MOSMO: variants seen among roughly 807,000 people sequenced by gnomAD.
MOSMO encodes the protein modulator of smoothened.
Under a neutral mutation model 18.4 loss-of-function variants are expected in MOSMO, and 5 were observed. The observed-to-expected ratio is 0.27, with a 90% CI of 0.14 to 0.57. MOSMO has a LOEUF of 0.57. Ranked by LOEUF, MOSMO falls within the 20% of genes least tolerant of loss-of-function variation. The probability of loss-of-function intolerance (pLI) is 0.92; values close to 1 mark genes in which losing one functional copy is unlikely to be tolerated. For synonymous variants in MOSMO, 82 were observed against 82.3 expected, an observed-to-expected ratio of 1.00 and a Z score of 0.02; for missense variants, 138 against 211.8, an observed-to-expected ratio of 0.65 and a Z score of 2.16.
intron 1 of MOSMO, among the ~76,000 whole-genome samples, chr16:22,033,354 C>T (rs1598004814): frequency 1.3e-5 from 2 of 152,190 alleles, no homozygotes; most frequent in South Asian, 2.1e-4. Context: ...GTTTCAGCAA[C>T]ATTTTATAGT....
downstream of MOSMO, among the ~76,000 whole-genome samples, chr16:22,085,451 G>A (rs781091815): frequency 2.7e-4 from 41 of 152,090 alleles, no homozygotes; most frequent in Admixed American, 4.6e-4. Context: ...TTTTTGGGGG[G>A]TTATTTTCTA....
At chr16:22,024,665 G>A (rs1369174992) in intron 1 of MOSMO, among the ~76,000 whole-genome samples, 1 of 152,062 alleles carries the variant, frequency 6.6e-6, no homozygotes, top group Non-Finnish European at 1.5e-5. Context: ...GCGCCTGGCC[G>A]AAAACATTTT....
intron 1 of MOSMO, among the ~76,000 whole-genome samples, chr16:22,056,679 C>T (rs1452720810): frequency 3.3e-5 from 5 of 151,716 alleles, no homozygotes; most frequent in African/African-American, 7.3e-5. Context: ...CCACTGTGCC[C>T]GGCCTTCTCC....
Position 22,074,882 on chromosome 16 carries a change from A to G in MOSMO, c.107-605A>G, listed in dbSNP as rs79775084. Among the ~76,000 whole-genome samples the G allele has an allele frequency of 3.3e-5, 5 of 152,334 alleles. No homozygotes were observed. The East Asian group carries it at 9.6e-4, about 29-fold the overall frequency. ...CAAGTTTGGGACAGAGGGCCCTCCT[A>G]GTTTTTCCAACATTTTCTTGAGTTT... On this transcript the variant is annotated intron_variant, in intron 1 of 2. Coordinates refer to ENST00000542527, the MANE Select transcript of MOSMO (RefSeq NM_001164579.2).
At chr16:22,090,618 G>T (rs1901287488), downstream of MOSMO, among the ~76,000 whole-genome samples, 1 of 152,190 alleles carries the variant, frequency 6.6e-6, no homozygotes, top group Non-Finnish European at 1.5e-5. Context: ...ATTAATATCT[G>T]AAATATATAT....
At chr16:22,086,364 T>C (rs1320469127), downstream of MOSMO, among the ~76,000 whole-genome samples, 2 of 152,216 alleles carry the variant, frequency 1.3e-5, no homozygotes, top group Non-Finnish European at 2.9e-5. Context: ...CACTTCTTAC[T>C]GACAACCAGC....
intron 1 of MOSMO, among the ~76,000 whole-genome samples, chr16:22,069,722 G>A (rs1189382720): frequency 6.6e-6 from 1 of 152,174 alleles, no homozygotes; most frequent in African/African-American, 2.4e-5. Flanking sequence ...CCTTCAGTAG[G>A]TTGAAGAGTG....
chr16:22,057,491 A>G (rs1257831540), intron 1 of MOSMO, among the ~76,000 whole-genome samples: 1 of 152,240 alleles, frequency 6.6e-6, no homozygotes, highest in East Asian at 1.9e-4. Flanking sequence ...TTTCCAACAC[A>G]TGAATTTTGG....
intron 1 of MOSMO, among the ~76,000 whole-genome samples, chr16:22,018,959 T>G (rs1008958155): frequency 2.0e-5 from 3 of 152,200 alleles, no homozygotes; most frequent in Non-Finnish European, 2.9e-5. Context: ...AATAGAATAA[T>G]AAATACTTGT....
At chr16:22,034,744 G>GTTTTTTTTTTTTTTTTTTTTTTTTTTTTT (rs890874059) in intron 1 of MOSMO, among the ~76,000 whole-genome samples, 2 of 55,456 alleles carry the variant, frequency 3.6e-5, no homozygotes, top group African/African-American at 8.5e-5. Flanking sequence ...GTTTTTTTGG[G>GTTTTTTTTTTTTTTTTTTTTTTTTTTTTT]TTTTTTTTTT....
intron 1 of MOSMO, among the ~76,000 whole-genome samples, chr16:22,034,308 T>G (rs1340142496): frequency 6.6e-6 from 1 of 152,240 alleles, no homozygotes; most frequent in Non-Finnish European, 1.5e-5. Flanking sequence ...GTAATGTGCT[T>G]TCTTTCCTTA....
chr16:22,050,118 C>T (rs984839716), intron 1 of MOSMO, among the ~76,000 whole-genome samples: 14 of 152,152 alleles, frequency 9.2e-5, no homozygotes, highest in African/African-American at 4.8e-5. Flanking sequence ...TGACTTGGAT[C>T]CTGCCTGGGT....
At chr16:22,086,535 G>T (rs970481744), downstream of MOSMO, among the ~76,000 whole-genome samples, 1 of 152,158 alleles carries the variant, frequency 6.6e-6, no homozygotes, top group African/African-American at 2.4e-5. Flanking sequence ...TGCTAAACAG[G>T]CATAGACTGC....
intron 1 of MOSMO, among the ~76,000 whole-genome samples, chr16:22,025,033 G>C (rs1899848205): frequency 6.6e-6 from 1 of 151,504 alleles, no homozygotes; most frequent in Admixed American, 6.6e-5. Flanking sequence ...TGTGCCTGTA[G>C]TCCTAGCTAC....
chr16:22,054,009 A>C (rs1327318399), intron 1 of MOSMO, among the ~76,000 whole-genome samples: 2 of 152,210 alleles, frequency 1.3e-5, no homozygotes, highest in Non-Finnish European at 2.9e-5. Context: ...TGCGAGAGAC[A>C]GCTGGGGAAA....
At position 22,075,577 on chromosome 16, in the gene MOSMO, T is replaced by C. The variant is rs1400053710; in HGVS notation, c.197T>C (p.Val66Ala). The change falls in exon 2 of 3, where the codon GTC (valine) becomes GCC (alanine). Residue 66 changes from valine to alanine, a missense_variant. Val to Ala is a moderately conservative substitution (Grantham distance 64). Transcript: ENST00000542527. ...CIPPRLPPEW[V>A]TTLFFIIMGI... ...CCTCCCCGGCTTCCCCCGGAGTGGGTCACCACACTGTTTTTTATCATCATG... is the reference window on the plus strand; with the variant it reads ...CCTCCCCGGCTTCCCCCGGAGTGGGCCACCACACTGTTTTTTATCATCATG... 8 of 1,537,242 alleles carry C rather than the reference T, an allele frequency of 5.2e-6. No homozygotes were observed. Among genetic ancestry groups the C allele is most frequent in the Non-Finnish European group, 7.0e-6 (8 of 1,146,900 alleles).
At chr16:22,049,568 A>C (rs1028780923) in intron 1 of MOSMO, among the ~76,000 whole-genome samples, 2 of 152,018 alleles carry the variant, frequency 1.3e-5, no homozygotes, top group Non-Finnish European at 2.9e-5. Flanking sequence ...GTTGATTTGA[A>C]AGGTATCACA....
intron 1 of MOSMO, among the ~76,000 whole-genome samples, chr16:22,014,212 T>G (rs892282638): frequency 1.3e-5 from 2 of 152,048 alleles, no homozygotes; most frequent in African/African-American, 2.4e-5. Context: ...TCAGATGAAG[T>G]CAGTCCTTGT....
rs140300051 is a variant in MOSMO, at chr16:22,049,969, C to A, written c.107-25518C>A. Among the ~76,000 whole-genome samples the A allele has an allele frequency of 2.5e-3, 385 of 152,250 alleles. 2 individuals carry two copies. Among genetic ancestry groups the A allele is most frequent in the Middle Eastern group, 0.01 (3 of 294 alleles). ...ACCATTACTACACACTCTTCATTAT[C>A]GTGGCTGTTGTATCCATGCCATGGT... On this transcript the variant is annotated intron_variant, in intron 1 of 2. Transcript: ENST00000542527.
Sources: allele counts gnomAD v4.1 joint callset (sites outside exome capture counted in the v4.1 genomes callset), GRCh38; gene constraint gnomAD v4.1.1; transcripts MANE v1.5; gene names NCBI Gene and HGNC (gene_info 2026-07-23, HGNC 2026-07-21).